The following EBF3 variants were observed in gnomAD, a reference collection of about 807,000 sequenced individuals.
The protein encoded by EBF3 is EBF transcription factor 3, also known as transcription factor COE3.
Under a neutral mutation model 77.1 loss-of-function variants are expected in EBF3, and 18 were observed. The ratio of observed to expected loss-of-function variants is 0.23; its 90% confidence interval spans 0.16 to 0.35. EBF3 has a LOEUF of 0.35. Ranked by LOEUF, EBF3 falls within the 10% of genes least tolerant of loss-of-function variation. EBF3 has a pLI of 1.00. For synonymous variants in EBF3, 350 were observed against 343.5 expected (o/e 1.02, Z -0.21); for missense variants, 558 against 860.0 (o/e 0.65, Z 4.39).
chr10:129,951,329 C>T (rs951161949), intron 6 of EBF3, among the ~76,000 whole-genome samples: 1 of 152,240 alleles, frequency 6.6e-6, no homozygotes, highest in African/African-American at 2.4e-5. Context: ...AATATCTTCG[C>T]TCCTCACCTG....
chr10:129,873,066 C>T (rs545475196), intron 8 of EBF3, among the ~76,000 whole-genome samples: 35 of 152,286 alleles, frequency 2.3e-4, no homozygotes, highest in African/African-American at 7.9e-4. Context: ...CCTGTCCCTT[C>T]GGAGCTGACT....
intron 6 of EBF3, among the ~76,000 whole-genome samples, chr10:129,920,564 G>C (rs1335636139): frequency 6.6e-6 from 1 of 152,246 alleles, no homozygotes. Context: ...TGATGGGATA[G>C]AATTTCAACC....
At chr10:129,888,502 C>T (rs1026925103) in intron 6 of EBF3, among the ~76,000 whole-genome samples, 5 of 152,212 alleles carry the variant, frequency 3.3e-5, no homozygotes, top group Admixed American at 3.3e-4. Flanking sequence ...TGGTGAATGG[C>T]CATTGTGTTT....
intron 6 of EBF3, among the ~76,000 whole-genome samples, chr10:129,904,569 CGGAT>C (rs1009670556): frequency 1.9e-4 from 28 of 149,108 alleles, no homozygotes; most frequent in Admixed American, 5.3e-4. Flanking sequence ...GATGGATGAA[CGGAT>C]GGATGGATGG....
Position 129,963,036 on chromosome 10 carries a change from T to G in EBF3, c.292-31A>C, listed in dbSNP as rs749112570. Reference sequence around the variant, plus strand: ...AGTAACGATAAATAATTGCATTTAGTGCGATCGGTGTCAGGCGCGGCCACC... The same window carrying G: ...AGTAACGATAAATAATTGCATTTAGGGCGATCGGTGTCAGGCGCGGCCACC... On this transcript the variant is annotated intron_variant, in intron 2 of 16. Coordinates refer to ENST00000440978, the MANE Select transcript of EBF3 (RefSeq NM_001375380.1). This position sits in a 1 kb window ranked among gnomAD's most constrained non-coding sequence, Gnocchi z 7.1. The G allele has an allele frequency of 6.8e-6, 11 of 1,613,754 alleles. No homozygotes were observed. Among genetic ancestry groups the G allele is most frequent in the Non-Finnish European group, 9.3e-6 (11 of 1,179,810 alleles).
chr10:129,851,661 A>G (rs1299375257), intron 10 of EBF3, among the ~76,000 whole-genome samples: 1 of 152,184 alleles, frequency 6.6e-6, no homozygotes, highest in Admixed American at 6.5e-5. Context: ...ATTAGTGCCC[A>G]TTATTTGTCC....
chr10:129,920,736 T>A (rs1322616413), intron 6 of EBF3, among the ~76,000 whole-genome samples: 1 of 152,222 alleles, frequency 6.6e-6, no homozygotes, highest in African/African-American at 2.4e-5. Context: ...GCACTCTGTG[T>A]GTGGCAGCAG....
At chr10:129,840,217 C>T (rs372210468) in intron 15 of EBF3, 28 bp downstream of exon 15, 5 of 1,535,532 alleles carry the variant, frequency 3.3e-6, no homozygotes, top group Non-Finnish European at 4.4e-6. Context: ...GGACCCAGCA[C>T]TGGCCCACGG....
At chr10:129,881,778 A>C (rs574456880) in intron 6 of EBF3, among the ~76,000 whole-genome samples, 19 of 152,252 alleles carry the variant, frequency 1.2e-4, no homozygotes, top group African/African-American at 3.9e-4. Flanking sequence ...ACAGGGGTGG[A>C]GGGGCAGCTG....
chr10:129,916,736 G>A (rs572168071), intron 6 of EBF3, among the ~76,000 whole-genome samples: 25 of 152,210 alleles, frequency 1.6e-4, no homozygotes, highest in Admixed American at 6.5e-4. Context: ...CCTTCGCTGA[G>A]GCCATTCCCT....
chr10:129,849,045 A>G lies in EBF3; in HGVS notation c.1040-565T>C, dbSNP rs557060828. Among the ~76,000 whole-genome samples, 3 of 152,352 alleles carry G rather than the reference A, an allele frequency of 2.0e-5. No individual in the cohort carries two copies. In the South Asian group the frequency reaches 6.2e-4, roughly 32 times the overall value. ...ACAGCTGCAATCCACCAGCCTCACG[A>G]AATTGCTGGCCACAAACAGTAATTA... On this transcript the variant is annotated intron_variant, in intron 10 of 16. Transcript: ENST00000440978.
intron 4 of EBF3, among the ~76,000 whole-genome samples, chr10:129,961,287 C>T (rs984569290): frequency 1.3e-5 from 2 of 152,148 alleles, no homozygotes; most frequent in African/African-American, 4.8e-5. Flanking sequence ...ATTTAATCTA[C>T]AAACTGGACC....
At chr10:129,909,318 C>T (rs1855357083) in intron 6 of EBF3, among the ~76,000 whole-genome samples, 1 of 152,224 alleles carries the variant, frequency 6.6e-6, no homozygotes, top group Non-Finnish European at 1.5e-5. Flanking sequence ...AAACCACAGG[C>T]AATTCACACC....
At position 129,836,703 on chromosome 10, in the gene EBF3, T is replaced by C. The variant is rs1849631297; in HGVS notation, c.*1240A>G. 1 of 152,286 alleles carries C rather than the reference T, an allele frequency of 6.6e-6. No homozygotes were observed. The highest frequency in any genetic ancestry group is 1.9e-4 in the East Asian group (1 of 5,196). The allele number at this position is 152,286 out of a possible 1,614,324, so 9.4% of individuals were successfully genotyped here. A position where few individuals can be genotyped will look rare whatever the true frequency, so the allele number is the denominator to read the frequency against. On this transcript the variant is annotated 3_prime_UTR_variant, in exon 17 of 17. Transcript: ENST00000440978. ...TAACGAAACAGATCAAAGAGACAAG[T>C]TCTTGGCTAATGCTCTTCCCAGTAT...
intron 6 of EBF3, among the ~76,000 whole-genome samples, chr10:129,889,978 G>GTTTTTTTTTTTTTTTTTTTT (rs1221577304): frequency 4.1e-5 from 2 of 49,360 alleles, no homozygotes; most frequent in Non-Finnish European, 3.6e-5. Flanking sequence ...TTTTTTTTTG[G>GTTTTTTTTTTTTTTTTTTTT]TTATGAAGAG....
Position 129,855,184 on chromosome 10 carries a change from A to T in EBF3, c.1040-6704T>A, listed in dbSNP as rs904986935. 5.9e-5 allele frequency among the ~76,000 whole-genome samples: 9 copies of T among 152,152 alleles called. No individual in the cohort carries two copies. In the South Asian group the frequency reaches 1.7e-3, roughly 28 times the overall value. ...AGAAAAACACTTGACTTCTAATTGG[A>T]ATTAGAGCCGCCTCCTTCGTATCGG... On this transcript the variant is annotated intron_variant, in intron 10 of 16. Coordinates refer to ENST00000440978, the MANE Select transcript of EBF3 (RefSeq NM_001375380.1).
In EBF3 at chr10:129,931,791, GCTC is replaced by G. The variant is rs1456012591; in HGVS notation, c.554+25464_554+25466del. Among the ~76,000 whole-genome samples, 23 of 152,336 alleles carry G rather than the reference GCTC, an allele frequency of 1.5e-4. 2 individuals carry two copies. The East Asian group carries it at 4.4e-3, about 29-fold the overall frequency. On this transcript the variant is annotated intron_variant, in intron 6 of 16. Coordinates refer to ENST00000440978, the MANE Select transcript of EBF3 (RefSeq NM_001375380.1). ...ATGAAGCAATGCCTGCTGACCTCAA[GCTC>G]CCTGAGCGACCCTGTGTCCTATTCT...
chr10:129,962,594 A>T (rs76316202), intron 3 of EBF3, among the ~76,000 whole-genome samples: 2 of 141,000 alleles, frequency 1.4e-5, no homozygotes, highest in East Asian at 2.0e-4. Flanking sequence ...TCGAGGATTT[A>T]AAAAAAAAAA....
At chr10:129,934,907 T>A (rs991836075) in intron 6 of EBF3, among the ~76,000 whole-genome samples, 5 of 152,094 alleles carry the variant, frequency 3.3e-5, no homozygotes, top group Non-Finnish European at 5.9e-5. Flanking sequence ...TCTGGCACAC[T>A]CTAGAACCCA....
Sources: allele counts gnomAD v4.1 joint callset (sites outside exome capture counted in the v4.1 genomes callset), GRCh38; gene constraint gnomAD v4.1.1; non-coding constraint Gnocchi (gnomAD v3.1); transcripts MANE v1.5; gene names NCBI Gene and HGNC (gene_info 2026-07-23, HGNC 2026-07-21).